Variants in CIT observed in about 807,000 individuals in gnomAD.
CIT encodes citron rho-interacting serine/threonine kinase, also known as citron Rho-interacting kinase.
Under a neutral mutation model 272.7 loss-of-function variants are expected in CIT, and 79 were observed. The ratio of observed to expected loss-of-function variants is 0.29; its 90% confidence interval spans 0.24 to 0.35. The LOEUF (loss-of-function observed/expected upper bound fraction) is 0.35. CIT is among the 10% of genes least tolerant of loss of function. The probability of loss-of-function intolerance (pLI) is 1.00; values close to 1 mark genes in which losing one functional copy is unlikely to be tolerated. For synonymous variants in CIT, 948 were observed against 995.6 expected (o/e 0.95, Z 0.90); for missense variants, 1,909 against 2,618.3 (o/e 0.73, Z 5.91).
At chr12:119,845,753 C>G (rs1198302871) in intron 5 of CIT, among the ~76,000 whole-genome samples, 1 of 151,752 alleles carries the variant, frequency 6.6e-6, no homozygotes, top group Non-Finnish European at 1.5e-5. Flanking sequence ...AGTTCAAGAC[C>G]AGCCTGGCCA....
chr12:119,774,070 T>C (rs1963485281), intron 16 of CIT, among the ~76,000 whole-genome samples: 1 of 152,202 alleles, frequency 6.6e-6, no homozygotes, highest in Non-Finnish European at 1.5e-5. Context: ...AAACACTGTA[T>C]GATTCCAGTT....
At chr12:119,759,482 C>T (rs1961468085) in intron 20 of CIT, among the ~76,000 whole-genome samples, 1 of 152,048 alleles carries the variant, frequency 6.6e-6, no homozygotes, top group Non-Finnish European at 1.5e-5. Flanking sequence ...GCTGTCTTTA[C>T]TAAAAATACA....
At chr12:119,760,626 C>CAAAAA (rs55758251) in intron 20 of CIT, among the ~76,000 whole-genome samples, 1 of 119,262 alleles carries the variant, frequency 8.4e-6, no homozygotes, top group Non-Finnish European at 1.8e-5. Flanking sequence ...AACCCCACCT[C>CAAAAA]AAAAAAAAAA....
At chr12:119,757,936 G>A (rs752848910) in intron 21 of CIT, among the ~76,000 whole-genome samples, 1 of 152,132 alleles carries the variant, frequency 6.6e-6, no homozygotes, top group African/African-American at 2.4e-5. Flanking sequence ...TGGAGAAAAA[G>A]GACTAAGGAG....
Position 119,718,917 on chromosome 12 carries a change from G to A in CIT, c.3841-56C>T. ...TCCTGGAAACTGGCACTTGAAACTA[G>A]CTAAAGGAAATCTGACTCGGGAGGA... is the stretch of plus-strand genomic sequence containing the variant. On this transcript the variant is annotated intron_variant, in intron 30 of 47. Coordinates refer to ENST00000392521, the MANE Select transcript of CIT (RefSeq NM_001206999.2). The surrounding 1 kb of genome is among the most constrained non-coding windows in gnomAD (Gnocchi z 4.8). The A allele has an allele frequency of 6.4e-7, 1 of 1,570,816 alleles. No homozygotes were observed.
intron 23 of CIT, among the ~76,000 whole-genome samples, chr12:119,751,824 C>G (rs1960304029): frequency 6.6e-6 from 1 of 152,134 alleles, no homozygotes; most frequent in African/African-American, 2.4e-5. Flanking sequence ...AAAGGAGGAA[C>G]TATTCAAGAT....
Position 119,836,284 on chromosome 12 carries a change from T to TAAAAA in CIT, c.517-2061_517-2057dup, listed in dbSNP as rs201559880. Among the ~76,000 whole-genome samples, 84 of 42,246 alleles carry TAAAAA rather than the reference T, an allele frequency of 2.0e-3. 3 individuals carry two copies. Among genetic ancestry groups the TAAAAA allele is most frequent in the East Asian group, 4.0e-3 (7 of 1,754 alleles). The allele number at this position is 42,246 out of a possible 152,430, so 27.7% of individuals were successfully genotyped here. On this transcript the variant is annotated intron_variant, in intron 5 of 47. Coordinates refer to ENST00000392521, the MANE Select transcript of CIT (RefSeq NM_001206999.2). Reference sequence around the variant, plus strand: ...CCTGGCAACAGAGCGAGACTCCATCTAAAAAAAAAAAAAAAAAAAAAAAAA... The same window carrying TAAAAA: ...CCTGGCAACAGAGCGAGACTCCATCTAAAAAAAAAAAAAAAAAAAAAAAAAAAAAA...
chr12:119,817,190 GC>G lies in CIT; in HGVS notation c.1111+5629del, dbSNP rs1044483729. Reference sequence around the variant, plus strand: ...GTGGGGAAGAGATCACCAGGTCACAGCCTATAGTCTGTATTTTGCTTAAAAT... The same window carrying G: ...GTGGGGAAGAGATCACCAGGTCACAGCTATAGTCTGTATTTTGCTTAAAAT... On this transcript the variant is annotated intron_variant, in intron 9 of 47. Transcript: ENST00000392521. Among the ~76,000 whole-genome samples, 5 of 152,304 alleles carry G rather than the reference GC, an allele frequency of 3.3e-5. No individual in the cohort carries two copies. In the East Asian group the frequency reaches 5.8e-4, roughly 18 times the overall value.
At chr12:119,739,131 A>C (rs981249440) in intron 24 of CIT, among the ~76,000 whole-genome samples, 8 of 152,162 alleles carry the variant, frequency 5.3e-5, no homozygotes, top group Non-Finnish European at 1.2e-4. Flanking sequence ...TCCTATTTTA[A>C]TGCCTGGTTC....
intron 26 of CIT, among the ~76,000 whole-genome samples, chr12:119,731,896 C>T (rs56708604): frequency 6.7e-6 from 1 of 149,998 alleles, no homozygotes; most frequent in African/African-American, 2.5e-5. Flanking sequence ...AGTTCAGTGG[C>T]GTGATCTCAG....
At chr12:119,779,284 G>A (rs745747763) in intron 13 of CIT, among the ~76,000 whole-genome samples, 2 of 152,082 alleles carry the variant, frequency 1.3e-5, no homozygotes, top group East Asian at 1.9e-4. Flanking sequence ...ATGGAATATC[G>A]GTTTTTCTGG....
At chr12:119,753,942 T>C (rs1450740711) in intron 22 of CIT, among the ~76,000 whole-genome samples, 1 of 152,170 alleles carries the variant, frequency 6.6e-6, no homozygotes, top group Non-Finnish European at 1.5e-5. Context: ...AGTAGTCTAC[T>C]AGTAAGACAA....
chr12:119,865,921 G>A (rs1950501813), intron 3 of CIT, among the ~76,000 whole-genome samples: 1 of 150,388 alleles, frequency 6.6e-6, no homozygotes, highest in Admixed American at 6.6e-5. Context: ...TGAGAAAACT[G>A]AGAACAAAGT....
At chr12:119,732,202 C>T (rs542301843) in intron 26 of CIT, among the ~76,000 whole-genome samples, 17 of 151,864 alleles carry the variant, frequency 1.1e-4, no homozygotes, top group African/African-American at 3.1e-4. Flanking sequence ...CCATATAATA[C>T]CAAAACAGAA....
intron 2 of CIT, among the ~76,000 whole-genome samples, chr12:119,869,403 G>A (rs561976420): frequency 3.3e-5 from 5 of 152,302 alleles, no homozygotes; most frequent in Non-Finnish European, 7.4e-5. Flanking sequence ...AAGACTGTGG[G>A]TTTCTTTCAC....
chr12:119,778,653 A>C (rs532349044), intron 13 of CIT, among the ~76,000 whole-genome samples: 181 of 151,528 alleles, frequency 1.2e-3, no homozygotes, highest in African/African-American at 4.0e-3. Context: ...CCCCCCCCCC[A>C]GAGCATATTA....
Position 119,718,419 on chromosome 12 carries a change from G to A in CIT, c.4004-10C>T. Reference sequence around the variant, plus strand: ...GCTTTGCGGTGGGCAGCTGCAGAGAGACCAGGACAATGCCTTTTGGTTAGC... The same window carrying A: ...GCTTTGCGGTGGGCAGCTGCAGAGAAACCAGGACAATGCCTTTTGGTTAGC... On this transcript the variant is annotated splice_polypyrimidine_tract_variant and intron_variant, in intron 31 of 47. Transcript: ENST00000392521. This position sits in a 1 kb window ranked among gnomAD's most constrained non-coding sequence, Gnocchi z 4.8. 1.2e-6 allele frequency: 2 copies of A among 1,605,100 alleles called. No homozygotes were observed. The highest frequency in any genetic ancestry group is 1.7e-6 in the Non-Finnish European group (2 of 1,174,898).
In CIT at chr12:119,730,455, G is replaced by A. The variant is rs201150301; in HGVS notation, c.3486+40C>T. On this transcript the variant is annotated intron_variant, in intron 27 of 47. Transcript: ENST00000392521. ...AAGCGTGCCTTTAAAAGAAGGAAAC[G>A]AAAATGTTTTCCTAAAAAGCAGAAG... The A allele has an allele frequency of 9.8e-4, 1,507 of 1,541,542 alleles. 4 individuals carry two copies. The highest frequency in any genetic ancestry group is 3.2e-3 in the Middle Eastern group (18 of 5,684).
At chr12:119,794,932 A>C (rs780758684) in intron 10 of CIT, among the ~76,000 whole-genome samples, 2 of 152,220 alleles carry the variant, frequency 1.3e-5, no homozygotes, top group African/African-American at 2.4e-5. Flanking sequence ...CAGATGAGGG[A>C]ATTGAGGCTG....
Sources: allele counts gnomAD v4.1 joint callset (sites outside exome capture counted in the v4.1 genomes callset), GRCh38; gene constraint gnomAD v4.1.1; non-coding constraint Gnocchi (gnomAD v3.1); transcripts MANE v1.5; gene names NCBI Gene and HGNC (gene_info 2026-07-23, HGNC 2026-07-21).